FBXO4: variants seen among roughly 807,000 people sequenced by gnomAD.
FBXO4 encodes F-box protein 4, also known as F-box only protein 4.
In FBXO4, 36 loss-of-function variants were observed where a neutral mutation model predicts 43.7. That is an observed-to-expected ratio of 0.82 (90% CI 0.63 to 1.09). The LOEUF is 1.09. Ranked by LOEUF, FBXO4 falls within the 50% of genes least tolerant of loss-of-function variation. The pLI is 0.00. For missense variants in FBXO4, 435 were observed against 474.1 expected, an observed-to-expected ratio of 0.92 and a Z score of 0.77; for synonymous variants, 180 against 165.6, an observed-to-expected ratio of 1.09 and a Z score of -0.67.
chr5:41,946,636 C>T (rs148241548), downstream of FBXO4, among the ~76,000 whole-genome samples: 1 of 152,234 alleles, frequency 6.6e-6, no homozygotes, highest in Non-Finnish European at 1.5e-5. Context: ...TAAAAATACT[C>T]CCCTTGGATC....
At chr5:41,971,349 T>C in the FBXO4 span, among the ~76,000 whole-genome samples, 151,869 of 152,028 alleles carry the variant, frequency 1, 75,857 homozygotes, top group Non-Finnish European at 1. Flanking sequence ...CTATAGTGCA[T>C]ATGTGCTGCT....
chr5:42,012,908 A>G, the FBXO4 span, among the ~76,000 whole-genome samples: 2 of 152,216 alleles, frequency 1.3e-5, no homozygotes, highest in Non-Finnish European at 2.9e-5. Flanking sequence ...AGGTAGCAGA[A>G]GAGAAGAACA....
At chr5:41,960,865 T>C in the FBXO4 span, among the ~76,000 whole-genome samples, 3 of 152,186 alleles carry the variant, frequency 2.0e-5, no homozygotes. Context: ...AAAATAATAA[T>C]TTTGAATTAT....
At chr5:41,931,579 T>A (rs139404487) in intron 3 of FBXO4, among the ~76,000 whole-genome samples, 117 of 152,374 alleles carry the variant, frequency 7.7e-4, no homozygotes, top group African/African-American at 2.7e-3. Context: ...TTGTCCACTT[T>A]ATTTTTAGCT....
the FBXO4 span, among the ~76,000 whole-genome samples, chr5:42,008,777 T>C: frequency 2.0e-5 from 3 of 152,224 alleles, no homozygotes; most frequent in Admixed American, 6.5e-5. Flanking sequence ...TTTGACACTT[T>C]AGATTTCTAA....
the FBXO4 span, among the ~76,000 whole-genome samples, chr5:41,958,130 A>AT: frequency 1.4e-5 from 2 of 144,996 alleles, no homozygotes; most frequent in African/African-American, 2.7e-5. Context: ...TCTGTTAACA[A>AT]ATTTTTTTTT....
At chr5:41,966,246 T>C in the FBXO4 span, among the ~76,000 whole-genome samples, 1 of 152,088 alleles carries the variant, frequency 6.6e-6, no homozygotes, top group African/African-American at 2.4e-5. Context: ...TATATACATA[T>C]GTAACTAACC....
At chr5:41,934,432 G>A in intron 5 of FBXO4, 124 bp downstream of exon 5, 1 of 1,514,010 alleles carries the variant, frequency 6.6e-7, no homozygotes, top group Non-Finnish European at 8.8e-7. Flanking sequence ...GTGATTTTCT[G>A]ACCCTTACTA....
the FBXO4 span, among the ~76,000 whole-genome samples, chr5:42,030,415 T>G: frequency 2.0e-5 from 3 of 152,034 alleles, no homozygotes; most frequent in Non-Finnish European, 4.4e-5. Context: ...TGTAGAAAGC[T>G]GAAACTGGAT....
At chr5:42,011,337 TGA>T in the FBXO4 span, among the ~76,000 whole-genome samples, 57 of 152,306 alleles carry the variant, frequency 3.7e-4, no homozygotes, top group Non-Finnish European at 7.8e-4. Flanking sequence ...TTGGTTATTG[TGA>T]GAGTGGGCTG....
chr5:41,956,701 T>C, the FBXO4 span, among the ~76,000 whole-genome samples: 1 of 151,308 alleles, frequency 6.6e-6, no homozygotes, highest in African/African-American at 2.4e-5. Context: ...ATGTAATTTT[T>C]TTTTCTTCTT....
the FBXO4 span, among the ~76,000 whole-genome samples, chr5:42,025,711 T>C: frequency 6.6e-6 from 1 of 152,006 alleles, no homozygotes; most frequent in Non-Finnish European, 1.5e-5. Context: ...TTTGATTTGA[T>C]TTTTGTGAAT....
At chr5:42,009,881 T>G in the FBXO4 span, among the ~76,000 whole-genome samples, 1 of 152,358 alleles carries the variant, frequency 6.6e-6, no homozygotes, top group South Asian at 2.1e-4. Flanking sequence ...CCACAACTTT[T>G]AAATCTTCCC....
chr5:42,014,213 T>C, the FBXO4 span, among the ~76,000 whole-genome samples: 4 of 152,154 alleles, frequency 2.6e-5, no homozygotes, highest in Non-Finnish European at 5.9e-5. Context: ...GTCTATTCAT[T>C]GTGATTTTTA....
At chr5:42,021,766 T>C in the FBXO4 span, among the ~76,000 whole-genome samples, 4 of 152,146 alleles carry the variant, frequency 2.6e-5, no homozygotes, top group Admixed American at 6.6e-5. Context: ...TCTCATTTGG[T>C]ATTGTGTAAT....
downstream of FBXO4, among the ~76,000 whole-genome samples, chr5:41,944,942 A>G (rs1165202971): frequency 6.6e-6 from 1 of 152,250 alleles, no homozygotes; most frequent in Non-Finnish European, 1.5e-5. Context: ...AACATTTAAA[A>G]TGATAGCAGA....
In FBXO4 at chr5:41,933,842, G is replaced by T. The variant is rs551162449; in HGVS notation, c.647-104G>T. ...TCAACTCTATGTATAAGTTGTTATA[G>T]AATTTTTTCTTTACTCTTTTTGCTT... On this transcript the variant is annotated intron_variant, in intron 3 of 6. Coordinates refer to ENST00000281623, the MANE Select transcript of FBXO4 (RefSeq NM_012176.3). The T allele has an allele frequency of 5.0e-4, 413 of 822,088 alleles. 1 individual carries two copies. The South Asian group carries it at 6.9e-3, about 14-fold the overall frequency. 50.9% of individuals were successfully genotyped at this position (822,088 alleles called of 1,614,324 possible).
At chr5:41,930,848 G>T (rs1751666934) in intron 3 of FBXO4, among the ~76,000 whole-genome samples, 1 of 152,028 alleles carries the variant, frequency 6.6e-6, no homozygotes, top group African/African-American at 2.4e-5. Context: ...AGTAGAGACG[G>T]GGTTTCACTG....
chr5:41,999,739 A>C, the FBXO4 span, among the ~76,000 whole-genome samples: 6 of 151,220 alleles, frequency 4.0e-5, no homozygotes, highest in Admixed American at 3.3e-4. Flanking sequence ...GTAGGCTGGG[A>C]GGCTAAGCCA....
Sources: gnomAD v4.1 joint callset for allele counts (sites outside exome capture counted in the v4.1 genomes callset) on GRCh38, gnomAD v4.1.1 for gene constraint, MANE v1.5 for transcripts, NCBI Gene and HGNC (gene_info 2026-07-23, HGNC 2026-07-21) for gene names.